NSD1: variants seen among roughly 807,000 people sequenced by gnomAD.
NSD1 encodes nuclear receptor binding SET domain protein 1.
Under a neutral mutation model 242.7 loss-of-function variants are expected in NSD1, and 26 were observed. The ratio of observed to expected loss-of-function variants is 0.11; its 90% CI spans 0.08 to 0.15. The LOEUF (loss-of-function observed/expected upper bound fraction) is 0.15. Among genes scored for constraint, NSD1 ranks in the 10% least tolerant of loss-of-function variants. The pLI is 1.00. For synonymous variants in NSD1, 1,106 were observed against 1,178.1 expected, an observed-to-expected ratio of 0.94 and a Z score of 1.25; for missense variants, 2,495 against 3,272.8, an observed-to-expected ratio of 0.76 and a Z score of 5.80.
At chr5:177,215,536 C>A (rs1327990561) in intron 5 of NSD1, among the ~76,000 whole-genome samples, 1 of 151,600 alleles carries the variant, frequency 6.6e-6, no homozygotes, top group East Asian at 1.9e-4. Context: ...GGTAATTCTA[C>A]TTTTATTTTT....
intron 3 of NSD1, among the ~76,000 whole-genome samples, chr5:177,200,481 A>G (rs761940829): frequency 1.3e-5 from 2 of 152,158 alleles, no homozygotes; most frequent in South Asian, 4.1e-4. Flanking sequence ...CATTAAGTAT[A>G]TTAACATTGT....
At chr5:177,162,579 G>A (rs185421047) in intron 2 of NSD1, among the ~76,000 whole-genome samples, 3 of 152,132 alleles carry the variant, frequency 2.0e-5, no homozygotes, top group East Asian at 3.9e-4. Context: ...GGTTTCTTTC[G>A]CCCTATTGGC....
At chr5:177,252,010 C>T (rs879203909) in intron 12 of NSD1, among the ~76,000 whole-genome samples, 157 bp downstream of exon 12, 1 of 152,142 alleles carries the variant, frequency 6.6e-6, no homozygotes, top group South Asian at 2.1e-4. Context: ...AGAAAAGCTA[C>T]CAAGTGAATA....
In NSD1 at chr5:177,185,823, T is replaced by A. The variant is rs1761107257; in HGVS notation, c.928-6061T>A. 6.6e-5 allele frequency among the ~76,000 whole-genome samples: 6 copies of A among 91,324 alleles called. No individual in the cohort carries two copies. In the East Asian group the frequency reaches 8.0e-4, roughly 12 times the overall value. The allele number at this position is 91,324 out of a possible 152,430, so 59.9% of individuals were successfully genotyped here. On this transcript the variant is annotated intron_variant, in intron 2 of 22. Coordinates refer to ENST00000439151, the MANE Select transcript of NSD1 (RefSeq NM_022455.5). The stretch of plus-strand genomic sequence containing the variant: ...TATATATATAAATTTATATATATAA[T>A]ATATAAGTTTTATATATTTAAATAT...
intron 2 of NSD1, among the ~76,000 whole-genome samples, chr5:177,148,061 T>C (rs556113378): frequency 2.4e-3 from 362 of 152,234 alleles, no homozygotes; most frequent in African/African-American, 8.3e-3. Context: ...AAGTTTTCAC[T>C]TCTCTGGGAT....
chr5:177,188,045 A>G (rs1056167493), intron 2 of NSD1, among the ~76,000 whole-genome samples: 78 of 152,302 alleles, frequency 5.1e-4, no homozygotes, highest in African/African-American at 1.7e-3. Flanking sequence ...GGAAGATGCC[A>G]CTTCTTTACT....
Position 177,294,565 on chromosome 5 carries a change from A to G in NSD1, c.7197A>G (p.Lys2399=). The G allele has an allele frequency of 6.2e-7, 1 of 1,613,980 alleles. No homozygotes were observed. Among genetic ancestry groups the G allele is most frequent in the Non-Finnish European group, 8.5e-7 (1 of 1,179,964 alleles). ...GACTGCTCATTACTAGCAGTCCCAA[A>G]CCCCAGACTTCAGACAGGCCTACTG... is the stretch of plus-strand genomic sequence containing the variant. ...PDRLLITSSP[K]PQTSDRPTDK... is the part of the protein sequence containing the mutation. The change falls in exon 23 of 23, where the codon AAA becomes AAG. Residue 2399 remains lysine, a synonymous_variant. Coordinates refer to ENST00000439151, the MANE Select transcript of NSD1 (RefSeq NM_022455.5).
intron 2 of NSD1, among the ~76,000 whole-genome samples, chr5:177,141,342 T>A (rs548354845): frequency 0.019 from 2,718 of 143,278 alleles, 100 homozygotes; most frequent in Non-Finnish European, 0.029. Context: ...TTTTTTTTTT[T>A]TTTTTTAAGA....
intron 12 of NSD1, among the ~76,000 whole-genome samples, chr5:177,255,082 A>G (rs1756323561): frequency 6.6e-6 from 1 of 152,108 alleles, no homozygotes; most frequent in Non-Finnish European, 1.5e-5. Context: ...AGGTGGGCGG[A>G]TTTTTTAAGG....
Position 177,295,562 on chromosome 5 carries a change from C to A in NSD1, c.*103C>A. Reference sequence around the variant, plus strand: ...CCCTTAAAAAAAAACACATCTGCCCCGAACACTTTCCCACTGTTATTCTTT... The same window carrying A: ...CCCTTAAAAAAAAACACATCTGCCCAGAACACTTTCCCACTGTTATTCTTT... On this transcript the variant is annotated 3_prime_UTR_variant, in exon 23 of 23. Transcript: ENST00000439151. This position sits in a 1 kb window ranked among gnomAD's most constrained non-coding sequence, Gnocchi z 4.3. The A allele has an allele frequency of 8.5e-7, 1 of 1,173,296 alleles. No homozygotes were observed. The highest frequency in any genetic ancestry group is 1.5e-5 in the African/African-American group (1 of 65,708). 72.7% of individuals were successfully genotyped at this position (1,173,296 alleles called of 1,614,324 possible). A position where few individuals can be genotyped will look rare whatever the true frequency, so the allele number is the denominator to read the frequency against.
At chr5:177,206,534 G>A (rs1025871334) in intron 4 of NSD1, among the ~76,000 whole-genome samples, 7 of 152,190 alleles carry the variant, frequency 4.6e-5, no homozygotes, top group Non-Finnish European at 1.0e-4. Flanking sequence ...AAGACTTGGT[G>A]TCTTCATCTC....
intron 8 of NSD1, among the ~76,000 whole-genome samples, chr5:177,241,495 A>G (rs1562248390): frequency 6.7e-6 from 1 of 149,270 alleles, no homozygotes; most frequent in African/African-American, 2.5e-5. Flanking sequence ...ACAGAGCGAG[A>G]CTCTCTCTCT....
intron 17 of NSD1, among the ~76,000 whole-genome samples, chr5:177,276,031 C>T (rs143092969): frequency 5.3e-5 from 8 of 152,264 alleles, no homozygotes; most frequent in Non-Finnish European, 7.4e-5. Flanking sequence ...AAGTGATTCT[C>T]CTGCCTCCTG....
In NSD1 at chr5:177,300,038, A is replaced by G. The variant is rs1246672743; in HGVS notation, c.*4579A>G. 4.6e-6 allele frequency: 1 copy of G among 216,924 alleles called. No homozygotes were observed. The highest frequency in any genetic ancestry group is 8.8e-6 in the Non-Finnish European group (1 of 113,808). The allele number at this position is 216,924 out of a possible 1,614,324, so 13.4% of individuals were successfully genotyped here. A position where few individuals can be genotyped will look rare whatever the true frequency, so the allele number is the denominator to read the frequency against. On this transcript the variant is annotated 3_prime_UTR_variant, in exon 23 of 23. Coordinates refer to ENST00000439151, the MANE Select transcript of NSD1 (RefSeq NM_022455.5). ...GGGTCGGGGGGATCAGCCAAGGTCC[A>G]TCATTGCTTTTTTGCCGCGCCCCCC...
At chr5:177,212,901 A>T (rs1276854023) in intron 5 of NSD1, among the ~76,000 whole-genome samples, 2 of 152,204 alleles carry the variant, frequency 1.3e-5, no homozygotes, top group Non-Finnish European at 2.9e-5. Context: ...AAGTGCTGGG[A>T]TACAGGCGTG....
Position 177,211,255 on chromosome 5 carries a change from C to G in NSD1, c.2856C>G (p.Val952=). The change falls in exon 5 of 23, where the codon GTC becomes GTG. Residue 952 remains valine, a synonymous_variant. Coordinates refer to ENST00000439151, the MANE Select transcript of NSD1 (RefSeq NM_022455.5). ...GTTCTACTAATAGTCCTGTAGGAGT[C>G]TCTAAGGTTTTGGTTTCAGGAGGCT... The part of the protein sequence containing the change: ...GDCSTNSPVG[V]SKVLVSGGST... 6.2e-7 allele frequency: 1 copy of G among 1,614,032 alleles called. No homozygotes were observed. The highest frequency in any genetic ancestry group is 8.5e-7 in the Non-Finnish European group (1 of 1,179,990).
chr5:177,136,664 G>A (rs1756362669), intron 2 of NSD1, among the ~76,000 whole-genome samples: 2 of 150,018 alleles, frequency 1.3e-5, no homozygotes, highest in African/African-American at 4.9e-5. Context: ...TGCAGTGGTT[G>A]ATCACTGCAA....
intron 17 of NSD1, among the ~76,000 whole-genome samples, chr5:177,275,362 C>T (rs927515468): frequency 6.7e-6 from 1 of 149,408 alleles, no homozygotes; most frequent in Non-Finnish European, 1.5e-5. Context: ...TGGGTAATGC[C>T]GTAAGAAATC....
intron 2 of NSD1, among the ~76,000 whole-genome samples, chr5:177,168,725 T>C (rs1294231737): frequency 6.6e-6 from 1 of 152,172 alleles, no homozygotes; most frequent in Non-Finnish European, 1.5e-5. Context: ...CCTCCCAAAG[T>C]GCTGGGATTG....
Sources: gnomAD v4.1 joint callset for allele counts (sites outside exome capture counted in the v4.1 genomes callset) on GRCh38, gnomAD v4.1.1 for gene constraint, Gnocchi (gnomAD v3.1) non-coding constraint, MANE v1.5 for transcripts, NCBI Gene and HGNC (gene_info 2026-07-23, HGNC 2026-07-21) for gene names.